The following HERC1 variants were observed in gnomAD, a reference collection of about 807,000 sequenced individuals.
The protein encoded by HERC1 is probable E3 ubiquitin-protein ligase HERC1.
HERC1 carries 160 observed loss-of-function variants against 554.3 expected under a neutral mutation model. The ratio of observed to expected loss-of-function variants is 0.29; its 90% CI spans 0.25 to 0.33. The LOEUF (loss-of-function observed/expected upper bound fraction) is 0.33. Ranked by LOEUF, HERC1 falls within the 10% of genes least tolerant of loss-of-function variation. The pLI is 1.00. For missense variants in HERC1, 4,919 were observed against 5,918.5 expected (o/e 0.83, Z 5.54); for synonymous variants, 2,175 against 2,131.7 (o/e 1.02, Z -0.56).
At position 63,789,239 on chromosome 15, in the gene HERC1, C is replaced by T. The variant is rs540588225; in HGVS notation, c.-26-13590G>A. ...CCAAGTAGCTGGGACTACAGGCGCC[C>T]GCCACTACGCCCGGCTAATTTTTTG... is the stretch of plus-strand genomic sequence containing the variant. On this transcript the variant is annotated intron_variant, in intron 1 of 77. Transcript: ENST00000443617. Among the ~76,000 whole-genome samples the T allele has an allele frequency of 1.2e-3, 177 of 148,278 alleles. 1 individual carries two copies. Among genetic ancestry groups the T allele is most frequent in the African/African-American group, 4.3e-3 (172 of 40,408 alleles).
intron 2 of HERC1, among the ~76,000 whole-genome samples, chr15:63,767,234 C>G (rs1176226990): frequency 6.6e-6 from 1 of 151,130 alleles, no homozygotes; most frequent in South Asian, 2.1e-4. Context: ...AACTACTGAC[C>G]TCAGGCAATC....
At chr15:63,723,499 G>A (rs2140614647) in intron 18 of HERC1, 144 bp from the exon 19 acceptor site, 1 of 606,106 alleles carries the variant, frequency 1.6e-6, no homozygotes, top group Non-Finnish European at 2.8e-6. Context: ...GTCCTTTAAT[G>A]TTTTTCAGTT....
At position 63,764,202 on chromosome 15, in the gene HERC1, A is replaced by C. The variant is rs1439059725; in HGVS notation, c.931-11T>G. On this transcript the variant is annotated splice_polypyrimidine_tract_variant and intron_variant, in intron 2 of 77. Transcript: ENST00000443617. The stretch of plus-strand genomic sequence containing the variant: ...ATCAGCAGATGAACCCTATAATTAA[A>C]ACATTGCGGGACACAGCGTAGGAAG... The C allele has an allele frequency of 6.3e-7, 1 of 1,579,728 alleles. No individual in the cohort carries two copies. Among genetic ancestry groups the C allele is most frequent in the Non-Finnish European group, 8.7e-7 (1 of 1,153,240 alleles).
At chr15:63,809,377 C>T (rs1788062050) in intron 1 of HERC1, among the ~76,000 whole-genome samples, 1 of 152,142 alleles carries the variant, frequency 6.6e-6, no homozygotes, top group Non-Finnish European at 1.5e-5. Flanking sequence ...CAAGAATGTG[C>T]AAGATTTATC....
intron 1 of HERC1, among the ~76,000 whole-genome samples, chr15:63,786,022 A>G (rs769148062): frequency 3.3e-5 from 5 of 152,044 alleles, no homozygotes; most frequent in Admixed American, 6.6e-5. Flanking sequence ...ATAATTCTTT[A>G]GTGGAAAAAA....
chr15:63,712,922 T>G (rs1361500991), intron 23 of HERC1, 27 bp from the exon 24 acceptor site: 9 of 1,593,256 alleles, frequency 5.6e-6, no homozygotes, highest in Admixed American at 5.3e-5. Context: ...AAAAAAAAAG[T>G]TTTTTGATTT....
intron 1 of HERC1, among the ~76,000 whole-genome samples, chr15:63,806,461 T>C (rs988348383): frequency 6.6e-6 from 1 of 152,196 alleles, no homozygotes; most frequent in Admixed American, 6.5e-5. Context: ...CACATGTACA[T>C]TTATCATACT....
At position 63,727,751 on chromosome 15, in the gene HERC1, A is replaced by G. The variant is rs1275256112; in HGVS notation, c.3242T>C (p.Leu1081Ser). Residue 1081 changes from leucine (L) to serine (S), a missense_variant, in exon 17 of 78, where the codon TTA (leucine) becomes TCA (serine). Coordinates refer to ENST00000443617, the MANE Select transcript of HERC1 (RefSeq NM_003922.4). The surrounding 1 kb of genome is among the most constrained non-coding windows in gnomAD (Gnocchi z 4.3). Reference protein sequence around the residue: ...LLLPVSVARPLLSYLLDLLPP... With the variant: ...LLLPVSVARPSLSYLLDLLPP... ...CAACAAGTCGAGGAGGTAACTCAAT[A>G]AAGGCCGAGCCACTGACACAGGGAG... 3.7e-6 allele frequency: 6 copies of G among 1,614,010 alleles called. No individual in the cohort carries two copies. In the East Asian group the frequency reaches 6.7e-5, roughly 18 times the overall value.
At position 63,775,798 on chromosome 15, in the gene HERC1, G is replaced by GATT; in HGVS notation, c.-26-150_-26-149insAAT. ...CACGCCTGTAATCCCAACACTTTGGGAGGCCAAAGTGGGCAGATCACTTGA... is the reference window on the plus strand; with the variant it reads ...CACGCCTGTAATCCCAACACTTTGGGATTAGGCCAAAGTGGGCAGATCACTTGA... On this transcript the variant is annotated intron_variant, in intron 1 of 77. Coordinates refer to ENST00000443617, the MANE Select transcript of HERC1 (RefSeq NM_003922.4). This position sits in a 1 kb window ranked among gnomAD's most constrained non-coding sequence, Gnocchi z 4.0. The GATT allele has an allele frequency of 1.7e-6, 1 of 595,082 alleles. No individual in the cohort carries two copies. The highest frequency in any genetic ancestry group is 2.9e-6 in the Non-Finnish European group (1 of 346,954). The allele number at this position is 595,082 out of a possible 1,614,324, so 36.9% of individuals were successfully genotyped here.
intron 39 of HERC1, among the ~76,000 whole-genome samples, chr15:63,671,530 T>G (rs2070923368): frequency 6.6e-6 from 1 of 152,190 alleles, no homozygotes; most frequent in Non-Finnish European, 1.5e-5. Context: ...AGGATTGTAC[T>G]CCTGCACAAG....
At chr15:63,668,738 A>T (rs561958880) in intron 40 of HERC1, among the ~76,000 whole-genome samples, 5 of 152,260 alleles carry the variant, frequency 3.3e-5, no homozygotes, top group African/African-American at 1.2e-4. Context: ...AAGAATCCTA[A>T]ATGTTTATGA....
In HERC1 at chr15:63,729,229, A is replaced by G. The variant is rs756145293; in HGVS notation, c.3154+7T>C. The G allele has an allele frequency of 5.7e-6, 9 of 1,592,006 alleles. No homozygotes were observed. In the South Asian group the frequency reaches 9.2e-5, roughly 16 times the overall value. On this transcript the variant is annotated splice_region_variant and intron_variant, in intron 16 of 77. Coordinates refer to ENST00000443617, the MANE Select transcript of HERC1 (RefSeq NM_003922.4). ...TGATTAAATTTGAAATGAAATACCA[A>G]ACTCACCTCTTAATTTTTCTCCAAC...
chr15:63,683,002 G>A (rs952110278), intron 34 of HERC1, among the ~76,000 whole-genome samples: 3 of 152,004 alleles, frequency 2.0e-5, no homozygotes, highest in Non-Finnish European at 2.9e-5. Context: ...CAGGCATGCT[G>A]ATGCGTGCCT....
At chr15:63,621,671 T>TG (rs1452281098) in intron 74 of HERC1, among the ~76,000 whole-genome samples, 1 of 152,250 alleles carries the variant, frequency 6.6e-6, no homozygotes, top group Non-Finnish European at 1.5e-5. Flanking sequence ...CCATATTTCT[T>TG]GGAGGCTTTG....
At chr15:63,640,095 C>T in intron 61 of HERC1, 57 bp downstream of exon 61, 1 of 1,523,282 alleles carries the variant, frequency 6.6e-7, no homozygotes, top group Non-Finnish European at 9.0e-7. Context: ...CTGCTACATG[C>T]CCAATACCCA....
At chr15:63,641,678 TG>T in intron 59 of HERC1, 35 bp from the exon 60 acceptor site, 1 of 1,482,038 alleles carries the variant, frequency 6.7e-7, no homozygotes, top group Non-Finnish European at 9.1e-7. Flanking sequence ...ATAATAAATT[TG>T]TTTAAATAAA....
chr15:63,705,887 G>A (rs1205354526), intron 25 of HERC1, among the ~76,000 whole-genome samples: 1 of 151,840 alleles, frequency 6.6e-6, no homozygotes, highest in Non-Finnish European at 1.5e-5. Flanking sequence ...AAAACTAGCT[G>A]AGCATGGTGG....
chr15:63,657,509 T>C (rs891322756), intron 48 of HERC1, among the ~76,000 whole-genome samples: 2 of 152,182 alleles, frequency 1.3e-5, no homozygotes, highest in African/African-American at 4.8e-5. Flanking sequence ...TGTTAATTTA[T>C]AGGAATTCTT....
chr15:63,813,983 C>G (rs2077412310), intron 1 of HERC1, among the ~76,000 whole-genome samples: 2 of 152,204 alleles, frequency 1.3e-5, no homozygotes, highest in Admixed American at 1.3e-4. Context: ...GGCTTGAACC[C>G]AGGAGGCAGA....
Sources: gnomAD v4.1 joint callset for allele counts (sites outside exome capture counted in the v4.1 genomes callset) on GRCh38, gnomAD v4.1.1 for gene constraint, Gnocchi (gnomAD v3.1) non-coding constraint, MANE v1.5 for transcripts, NCBI Gene and HGNC (gene_info 2026-07-23, HGNC 2026-07-21) for gene names.